SYNRG: variants seen among roughly 807,000 people sequenced by gnomAD.
SYNRG encodes the protein AP1 gamma subunit binding protein 1.
Under a neutral mutation model 130.9 loss-of-function variants are expected in SYNRG, and 37 were observed. That is an observed-to-expected ratio of 0.28 (90% CI 0.22 to 0.37). The LOEUF is 0.37. SYNRG is among the 10% of genes least tolerant of loss of function. The pLI is 1.00. For synonymous variants in SYNRG, 539 were observed against 568.1 expected, an observed-to-expected ratio of 0.95 and a Z score of 0.73; for missense variants, 1,338 against 1,588.9, an observed-to-expected ratio of 0.84 and a Z score of 2.68.
At chr17:37,598,142 C>T (rs937163137) in intron 2 of SYNRG, among the ~76,000 whole-genome samples, 1 of 152,136 alleles carries the variant, frequency 6.6e-6, no homozygotes, top group Non-Finnish European at 1.5e-5. Context: ...GGAACTTACA[C>T]TGTAATTAGG....
At chr17:37,524,673 C>T (rs370872532) in intron 19 of SYNRG, among the ~76,000 whole-genome samples, 1 of 152,220 alleles carries the variant, frequency 6.6e-6, no homozygotes, top group African/African-American at 2.4e-5. Flanking sequence ...TGCAGTCAGT[C>T]ATCTGTAAAA....
At position 37,586,454 on chromosome 17, in the gene SYNRG, A is replaced by G. The variant is rs1449934598; in HGVS notation, c.336T>C (p.Thr112=). The change falls in exon 4 of 22, where the codon ACT becomes ACC. Residue 112 remains threonine (T), a synonymous_variant. Transcript: ENST00000612223. ...LGMRPPGPQY[T]PDMQKQFAEE... Reference sequence around the variant, plus strand: ...CGGCAAACTGCTTCTGCATGTCTGGAGTGTACTGTGGGCCTGGAGGACGCA... The same window carrying G: ...CGGCAAACTGCTTCTGCATGTCTGGGGTGTACTGTGGGCCTGGAGGACGCA... 6.2e-7 allele frequency: 1 copy of G among 1,614,098 alleles called. No homozygotes were observed. Among genetic ancestry groups the G allele is most frequent in the South Asian group, 1.1e-5 (1 of 91,084 alleles).
intron 3 of SYNRG, among the ~76,000 whole-genome samples, chr17:37,590,561 T>C (rs1296964732): frequency 6.6e-6 from 1 of 152,144 alleles, no homozygotes; most frequent in South Asian, 2.1e-4. Flanking sequence ...GGTACATACG[T>C]AAAATTTAAA....
At chr17:37,568,680 A>G in intron 11 of SYNRG, 111 bp downstream of exon 11, 1 of 1,134,518 alleles carries the variant, frequency 8.8e-7, no homozygotes, top group Non-Finnish European at 1.2e-6. Flanking sequence ...CACAGAAAGT[A>G]GTAGAGTAAG....
intron 3 of SYNRG, among the ~76,000 whole-genome samples, chr17:37,594,459 C>CTTTT (rs1413482052): frequency 2.2e-5 from 3 of 137,738 alleles, no homozygotes; most frequent in Non-Finnish European, 4.7e-5. Context: ...TGCCTTTCTT[C>CTTTT]TTCTTTTTTT....
intron 11 of SYNRG, among the ~76,000 whole-genome samples, chr17:37,564,361 TA>T (rs1282396371): frequency 2.6e-5 from 4 of 152,218 alleles, no homozygotes; most frequent in Non-Finnish European, 5.9e-5. Context: ...TTCTCAGATA[TA>T]AACTGTTCAG....
chr17:37,558,152 T>G (rs2059255398), intron 13 of SYNRG, among the ~76,000 whole-genome samples: 1 of 152,210 alleles, frequency 6.6e-6, no homozygotes, highest in South Asian at 2.1e-4. Flanking sequence ...TATTACATTC[T>G]AAAAGCTTGG....
At chr17:37,529,929 C>T (rs1286031106) in intron 19 of SYNRG, 6 of 1,270,818 alleles carry the variant, frequency 4.7e-6, no homozygotes, top group African/African-American at 3.0e-5. Flanking sequence ...CAGTAAGAAC[C>T]GATTGCCACC....
chr17:37,592,476 G>A (rs1397371531), intron 3 of SYNRG, among the ~76,000 whole-genome samples: 5 of 152,106 alleles, frequency 3.3e-5, no homozygotes, highest in African/African-American at 2.4e-5. Context: ...ATATGTTCAC[G>A]CAAAAACCTT....
chr17:37,586,573 A>G, intron 3 of SYNRG, 24 bp from the exon 4 acceptor site: 1 of 1,613,184 alleles, frequency 6.2e-7, no homozygotes, highest in East Asian at 2.2e-5. Flanking sequence ...ACAAAGGCTT[A>G]AAAAACACAA....
At chr17:37,541,316 A>G in intron 15 of SYNRG, 1 of 949,118 alleles carries the variant, frequency 1.1e-6, no homozygotes, top group Non-Finnish European at 1.3e-6. Flanking sequence ...AGACCAGGCA[A>G]GTAAAGTGAA....
In SYNRG at chr17:37,568,718, C is replaced by T. The variant is rs2060185641; in HGVS notation, c.1481+73G>A. On this transcript the variant is annotated intron_variant, in intron 11 of 21. Transcript: ENST00000612223. ...GTCTTAATTTTTAAATTTCTCACAC[C>T]TAGCCTTCCTATTATGGATGCCTCT... is the stretch of plus-strand genomic sequence containing the variant. 3.9e-6 allele frequency: 6 copies of T among 1,534,838 alleles called. No individual in the cohort carries two copies. The African/African-American group carries it at 4.1e-5, about 11-fold the overall frequency.
chr17:37,571,017 T>C, intron 9 of SYNRG, 132 bp from the exon 10 acceptor site: 1 of 1,237,794 alleles, frequency 8.1e-7, no homozygotes, highest in Non-Finnish European at 1.1e-6. Flanking sequence ...CTCATGAATT[T>C]GATTTAAGAA....
intron 3 of SYNRG, among the ~76,000 whole-genome samples, chr17:37,587,695 C>T (rs1363631690): frequency 1.3e-5 from 2 of 152,218 alleles, no homozygotes; most frequent in Admixed American, 6.5e-5. Context: ...CCCCAAACTG[C>T]TCTTGGTAAC....
intron 9 of SYNRG, 115 bp downstream of exon 9, chr17:37,571,676 A>C: frequency 1.1e-6 from 1 of 946,752 alleles, no homozygotes. Flanking sequence ...CTATATCCTG[A>C]AAATGATCTA....
At chr17:37,575,982 T>C (rs2060806098) in intron 8 of SYNRG, among the ~76,000 whole-genome samples, 1 of 151,638 alleles carries the variant, frequency 6.6e-6, no homozygotes, top group Non-Finnish European at 1.5e-5. Flanking sequence ...AAACTAAGAA[T>C]TCAGAAAATT....
At chr17:37,547,651 T>C (rs943069083) in intron 14 of SYNRG, among the ~76,000 whole-genome samples, 2 of 152,000 alleles carry the variant, frequency 1.3e-5, no homozygotes, top group African/African-American at 2.4e-5. Flanking sequence ...TTAGTAGAGA[T>C]GGGGTTTCAC....
At chr17:37,538,105 A>G in intron 18 of SYNRG, among the ~76,000 whole-genome samples, 1 of 152,242 alleles carries the variant, frequency 6.6e-6, no homozygotes, top group East Asian at 1.9e-4. Context: ...CATTTTTGCT[A>G]TTACGTATAT....
intron 19 of SYNRG, among the ~76,000 whole-genome samples, chr17:37,533,557 A>T (rs1319187468): frequency 1.3e-5 from 2 of 151,052 alleles, no homozygotes; most frequent in African/African-American, 4.9e-5. Flanking sequence ...AAAGATTTCT[A>T]ATTTCATTAT....
Sources: gnomAD v4.1 joint callset for allele counts (sites outside exome capture counted in the v4.1 genomes callset) on GRCh38, gnomAD v4.1.1 for gene constraint, MANE v1.5 for transcripts, NCBI Gene and HGNC (gene_info 2026-07-23, HGNC 2026-07-21) for gene names.